RDH8: variants seen among roughly 807,000 people sequenced by gnomAD.
RDH8 encodes photoreceptor outer segment all-trans retinol dehydrogenase.
A neutral mutation model predicts 22.3 loss-of-function variants in RDH8; 14 were observed. The observed-to-expected ratio is 0.63, with a 90% CI of 0.42 to 0.98. The LOEUF (loss-of-function observed/expected upper bound fraction) is 0.98, where lower values mean the gene tolerates loss of function less well. Among genes scored for constraint, RDH8 ranks in the 50% least tolerant of loss-of-function variants. The pLI is 0.00. For missense variants in RDH8, 389 were observed against 409.8 expected (o/e 0.95, Z 0.44); for synonymous variants, 175 against 171.7 (o/e 1.02, Z -0.15).
Position 10,021,909 on chromosome 19 carries a change from T to A in RDH8, c.*160T>A, listed in dbSNP as rs2087665495. The A allele has an allele frequency of 1.3e-6, 1 of 775,610 alleles. No individual in the cohort carries two copies. The highest frequency in any genetic ancestry group is 2.7e-5 in the Admixed American group (1 of 37,052). 48.0% of individuals were successfully genotyped at this position (775,610 alleles called of 1,614,324 possible). On this transcript the variant is annotated 3_prime_UTR_variant, in exon 6 of 6. Transcript: ENST00000591589. ...CTAGAATCCCAGAAGGGCCTTTATT[T>A]TCAGGCATAGACTCCTCTGTGGTCA... is the stretch of plus-strand genomic sequence containing the variant.
chr19:10,020,146 A>T (rs1037894352), intron 3 of RDH8, among the ~76,000 whole-genome samples: 8 of 151,874 alleles, frequency 5.3e-5, no homozygotes, highest in African/African-American at 9.7e-5. Context: ...TAAATTAAAT[A>T]AAAAAATCAG....
intron 4 of RDH8, 134 bp downstream of exon 4, chr19:10,020,936 C>A: frequency 1.4e-6 from 1 of 714,790 alleles, no homozygotes; most frequent in South Asian, 1.7e-5. Flanking sequence ...TTTTGAGAGG[C>A]TGAAATGGGA....
Position 10,021,965 on chromosome 19 carries a change from C to G in RDH8, c.*216C>G. ...GGAGCACAGAGAGGGACCCTGGGAA[C>G]TTGGCCTGGGAAGCCCAGAGCAGGA... On this transcript the variant is annotated 3_prime_UTR_variant, in exon 6 of 6. Transcript: ENST00000591589. 1.7e-6 allele frequency: 1 copy of G among 601,764 alleles called. No homozygotes were observed. The highest frequency in any genetic ancestry group is 2.9e-6 in the Non-Finnish European group (1 of 350,510). The allele number at this position is 601,764 out of a possible 1,614,324, so 37.3% of individuals were successfully genotyped here. A position where few individuals can be genotyped will look rare whatever the true frequency, so the allele number is the denominator to read the frequency against.
intron 3 of RDH8, 146 bp downstream of exon 3, chr19:10,019,056 G>T: frequency 1.5e-6 from 1 of 652,496 alleles, no homozygotes; most frequent in South Asian, 2.6e-5. Flanking sequence ...TAGCACTTTG[G>T]GAGGCTGAGA....
chr19:10,021,587 C>T lies in RDH8; in HGVS notation c.774C>T (p.Asn258=), dbSNP rs756642887. Residue 258 remains asparagine (N), a synonymous_variant, in exon 6 of 6, where the codon AAC becomes AAT. Transcript: ENST00000591589. ...STRPPLRRQT[N]IRYSPLTTLK... ...GACCACCCCTGCGCCGACAGACCAA[C>T]ATCCGCTACTCGCCGCTGACCACGC... The T allele has an allele frequency of 6.2e-6, 10 of 1,614,060 alleles. No homozygotes were observed. The African/African-American group carries it at 6.7e-5, about 11-fold the overall frequency.
At chr19:10,013,711 G>GA in intron 1 of RDH8, 111 bp downstream of exon 1, 1 of 1,130,264 alleles carries the variant, frequency 8.8e-7, no homozygotes, top group Non-Finnish European at 1.3e-6. Context: ...GGAGACCCAG[G>GA]ATTCCCTCCA....
rs554334657 is a variant in RDH8, at chr19:10,015,771, C to T, written c.104-1286C>T. 2.0e-5 allele frequency among the ~76,000 whole-genome samples: 3 copies of T among 151,936 alleles called. No individual in the cohort carries two copies. In the South Asian group the frequency reaches 6.2e-4, roughly 32 times the overall value. ...CAGGCTGACCAATATGGTGAAACCC[C>T]GTCTCTACTAAAAATACAAAAGATT... is the stretch of plus-strand genomic sequence containing the variant. On this transcript the variant is annotated intron_variant, in intron 1 of 5. Transcript: ENST00000591589.
rs774250301 is a variant in RDH8 at position 10,018,912 on chromosome 19, T to C, written c.442+2T>C. The C allele has an allele frequency of 4.4e-6, 7 of 1,598,462 alleles. No homozygotes were observed. In the South Asian group the frequency reaches 7.8e-5, roughly 18 times the overall value. ...TCAGCAGTGTCATGGGCCTGCAGGG[T>C]GAGCTGTGGGGACCCAACCCTGGAA... is the stretch of plus-strand genomic sequence containing the variant. On this transcript the variant is annotated splice_donor_variant, in intron 3 of 5. Transcript: ENST00000591589. LOFTEE classifies it high-confidence loss of function.
Position 10,020,797 on chromosome 19 carries a change from C to T in RDH8, c.531C>T (p.Asn177=). Residue 177 remains asparagine (N), a synonymous_variant, in exon 4 of 6, where the codon AAC becomes AAT. Coordinates refer to ENST00000591589, the MANE Select transcript of RDH8 (RefSeq NM_015725.4). ...TCGCTATCCAGCTGCTGCAGTTCAA[C>T]ATCTTGTGAGGCGGGCACGTGGGCA... ...ESLAIQLLQF[N]IFISLVEPGP... 6.2e-7 allele frequency: 1 copy of T among 1,607,318 alleles called. No individual in the cohort carries two copies. Among genetic ancestry groups the T allele is most frequent in the Non-Finnish European group, 8.5e-7 (1 of 1,175,906 alleles).
At position 10,018,166 on chromosome 19, in the gene RDH8, A is replaced by G. The variant is rs544338027; in HGVS notation, c.263-565A>G. ...CTCCATGTTCATCAGGCTGGTCTCG[A>G]AGCCTGACCTCAGGTGATCCACTCA... On this transcript the variant is annotated intron_variant, in intron 2 of 5. Transcript: ENST00000591589. Among the ~76,000 whole-genome samples the G allele has an allele frequency of 2.0e-5, 3 of 152,250 alleles. No homozygotes were observed. The South Asian group carries it at 6.2e-4, about 32-fold the overall frequency.
chr19:10,016,522 T>C (rs1203223756), intron 1 of RDH8, among the ~76,000 whole-genome samples: 6 of 149,342 alleles, frequency 4.0e-5, no homozygotes, highest in East Asian at 2.0e-4. Context: ...GTGCAGTGGC[T>C]CCATCTCGGC....
intron 1 of RDH8, 134 bp from the exon 2 acceptor site, chr19:10,016,923 T>G: frequency 1.1e-6 from 1 of 918,676 alleles, no homozygotes; most frequent in Non-Finnish European, 1.6e-6. Context: ...GTTGGCTGAG[T>G]GATAAATGTA....
intron 1 of RDH8, among the ~76,000 whole-genome samples, chr19:10,016,433 G>A (rs2087617394): frequency 6.6e-6 from 1 of 151,380 alleles, no homozygotes; most frequent in African/African-American, 2.4e-5. Flanking sequence ...GGGATTACAG[G>A]CGTGAGCCAC....
At chr19:10,019,305 AT>A (rs762098088) in intron 3 of RDH8, among the ~76,000 whole-genome samples, 2 of 147,238 alleles carry the variant, frequency 1.4e-5, no homozygotes, top group Admixed American at 6.8e-5. Flanking sequence ...CTCAAAAAAA[AT>A]AATAATAAAA....
chr19:10,018,772 C>A lies in RDH8; in HGVS notation c.304C>A (p.Leu102Ile). ...GGGCCTGGTGGGGCCCCTGGAGGGG[C>A]TCAGCCTTGCTGCCATGCAGAATGT... The part of the protein sequence containing the change: ...GMGLVGPLEG[L>I]SLAAMQNVFD... Residue 102 changes from leucine (L) to isoleucine (I), a missense_variant, in exon 3 of 6, where the codon CTC (leucine) becomes ATC (isoleucine). Transcript: ENST00000591589. The A allele has an allele frequency of 6.2e-7, 1 of 1,613,346 alleles. No individual in the cohort carries two copies. The highest frequency in any genetic ancestry group is 8.5e-7 in the Non-Finnish European group (1 of 1,179,474).
Position 10,021,639 on chromosome 19 carries a change from C to T in RDH8, c.826C>T (p.Leu276=). The T allele has an allele frequency of 6.2e-7, 1 of 1,613,704 alleles. No individual in the cohort carries two copies. Among genetic ancestry groups the T allele is most frequent in the Non-Finnish European group, 8.5e-7 (1 of 1,179,628 alleles). Residue 276 remains leucine, a synonymous_variant, in exon 6 of 6, where the codon CTG becomes TTG. Coordinates refer to ENST00000591589, the MANE Select transcript of RDH8 (RefSeq NM_015725.4). ...TLKTVDSSGS[L]YVRTTHRLLF... ...CAAAACCGTGGATTCCTCTGGCAGC[C>T]TGTATGTGCGAACGACCCACCGCCT...
chr19:10,015,297 C>T lies in RDH8; in HGVS notation c.103+1697C>T, dbSNP rs771854750. ...TGAAACCCCGTCTCTACTAAAAATA[C>T]AAAAAATTAGCCAGGCGTGGTGGTG... On this transcript the variant is annotated intron_variant, in intron 1 of 5. Coordinates refer to ENST00000591589, the MANE Select transcript of RDH8 (RefSeq NM_015725.4). Among the ~76,000 whole-genome samples, 36 of 151,824 alleles carry T rather than the reference C, an allele frequency of 2.4e-4. 1 individual carries two copies. Among genetic ancestry groups the T allele is most frequent in the Non-Finnish European group, 2.4e-4 (16 of 67,914 alleles).
At chr19:10,018,629 CCTTGGA>C (rs1472819552) in intron 2 of RDH8, 96 bp from the exon 3 acceptor site, 13 of 896,810 alleles carry the variant, frequency 1.4e-5, no homozygotes, top group Non-Finnish European at 2.2e-5. Flanking sequence ...CCTGGACTGG[CCTTGGA>C]CTTGGAGTAC....
intron 3 of RDH8, 81 bp downstream of exon 3, chr19:10,018,991 G>T: frequency 1.6e-6 from 2 of 1,221,808 alleles, no homozygotes; most frequent in South Asian, 3.0e-5. Flanking sequence ...ATGGGTTTTA[G>T]ATCATATTCT....
Sources: gnomAD v4.1 joint callset for allele counts (sites outside exome capture counted in the v4.1 genomes callset) on GRCh38, gnomAD v4.1.1 for gene constraint, MANE v1.5 for transcripts, NCBI Gene and HGNC (gene_info 2026-07-23, HGNC 2026-07-21) for gene names.